The following SNX25 variants were observed in gnomAD, a reference collection of about 807,000 sequenced individuals.
SNX25 encodes the protein sorting nexin 25.
Under a neutral mutation model 113.7 loss-of-function variants are expected in SNX25, and 62 were observed. That is an observed-to-expected ratio of 0.55 (90% CI 0.44 to 0.67). The LOEUF is 0.67. Among genes scored for constraint, SNX25 ranks in the 30% least tolerant of loss-of-function variants. SNX25 has a pLI of 0.00. For missense variants in SNX25, 1,014 were observed against 1,161.0 expected (o/e 0.87, Z 1.84); for synonymous variants, 421 against 436.2 (o/e 0.97, Z 0.43).
chr4:185,271,223 C>T (rs1748879881), intron 5 of SNX25, among the ~76,000 whole-genome samples: 1 of 152,192 alleles, frequency 6.6e-6, no homozygotes, highest in African/African-American at 2.4e-5. Context: ...TTTGCAGAGT[C>T]AGTGGGAAGG....
downstream of SNX25, among the ~76,000 whole-genome samples, chr4:185,371,369 C>T (rs562030726): frequency 1.8e-4 from 28 of 151,832 alleles, no homozygotes; most frequent in African/African-American, 6.3e-4. Flanking sequence ...GAAACCCCGT[C>T]TCTACTAAAA....
intron 5 of SNX25, among the ~76,000 whole-genome samples, chr4:185,277,313 G>T (rs1410469565): frequency 6.6e-6 from 1 of 152,168 alleles, no homozygotes; most frequent in African/African-American, 2.4e-5. Context: ...ATGAACCACT[G>T]AACCTGGGCC....
At chr4:185,229,675 A>AC (rs1741537339) in intron 1 of SNX25, among the ~76,000 whole-genome samples, 1 of 152,022 alleles carries the variant, frequency 6.6e-6, no homozygotes, top group Non-Finnish European at 1.5e-5. Flanking sequence ...TGCTGACTAA[A>AC]CGCTACAGAA....
intron 5 of SNX25, among the ~76,000 whole-genome samples, chr4:185,287,257 G>A (rs960526452): frequency 3.9e-5 from 6 of 152,150 alleles, no homozygotes; most frequent in African/African-American, 1.4e-4. Context: ...GTCTTCTTAG[G>A]CACACATATA....
chr4:185,326,249 G>C (rs2095156473), intron 9 of SNX25, among the ~76,000 whole-genome samples: 1 of 152,146 alleles, frequency 6.6e-6, no homozygotes. Context: ...CCAGTCTCCT[G>C]TTAGTTCAGT....
At chr4:185,289,641 T>C (rs374883006) in intron 6 of SNX25, among the ~76,000 whole-genome samples, 2 of 152,188 alleles carry the variant, frequency 1.3e-5, no homozygotes, top group South Asian at 2.1e-4. Flanking sequence ...TAAGGAGACT[T>C]GATCTGATGA....
chr4:185,257,349 A>G (rs757899119), intron 2 of SNX25, among the ~76,000 whole-genome samples: 2 of 152,120 alleles, frequency 1.3e-5, no homozygotes, highest in African/African-American at 2.4e-5. Flanking sequence ...GCTTCTTGCA[A>G]ACATCACACT....
downstream of SNX25, chr4:185,365,491 G>A (rs1158295698): frequency 6.6e-6 from 1 of 151,978 alleles, no homozygotes; most frequent in African/African-American, 2.4e-5. Context: ...GAGTAGCTGG[G>A]ACTACAGGCG....
At chr4:185,321,060 T>C (rs997229563) in intron 8 of SNX25, among the ~76,000 whole-genome samples, 196 bp downstream of exon 8, 14 of 152,162 alleles carry the variant, frequency 9.2e-5, no homozygotes, top group African/African-American at 3.4e-4. Flanking sequence ...TTTGAATGTG[T>C]AGTCAAGGGA....
intron 1 of SNX25, among the ~76,000 whole-genome samples, chr4:185,216,402 G>T (rs1434689595): frequency 6.6e-6 from 1 of 151,434 alleles, no homozygotes; most frequent in Non-Finnish European, 1.5e-5. Flanking sequence ...AGATGAAGTT[G>T]TATATGAATA....
chr4:185,328,233 G>C (rs1165003034), intron 9 of SNX25, among the ~76,000 whole-genome samples: 1 of 152,082 alleles, frequency 6.6e-6, no homozygotes, highest in Non-Finnish European at 1.5e-5. Context: ...AACAGGGCTA[G>C]GAAAACAATT....
intron 1 of SNX25, among the ~76,000 whole-genome samples, chr4:185,233,609 T>G (rs2126418945): frequency 6.6e-6 from 1 of 152,346 alleles, no homozygotes; most frequent in Middle Eastern, 3.4e-3. Flanking sequence ...TCTTTTTTTC[T>G]AGCTTCTATT....
chr4:185,241,435 C>G (rs1336132050), intron 1 of SNX25, among the ~76,000 whole-genome samples: 2 of 137,596 alleles, frequency 1.5e-5, no homozygotes, highest in Admixed American at 7.6e-5. Flanking sequence ...GCAGTACAGT[C>G]CAGCTTTGGC....
intron 16 of SNX25, among the ~76,000 whole-genome samples, chr4:185,357,966 ACT>A (rs1427046103): frequency 6.6e-6 from 1 of 152,098 alleles, no homozygotes; most frequent in African/African-American, 2.4e-5. Flanking sequence ...CTACTTCCAC[ACT>A]CTGACTGGCG....
At chr4:185,326,173 A>G (rs1469866677) in intron 9 of SNX25, among the ~76,000 whole-genome samples, 1 of 152,222 alleles carries the variant, frequency 6.6e-6, no homozygotes, top group East Asian at 1.9e-4. Flanking sequence ...AAGAAAAGTT[A>G]CTTTGACTTT....
In SNX25 at chr4:185,351,171, C is replaced by G. The variant is rs551482084; in HGVS notation, c.2302-274C>G. Among the ~76,000 whole-genome samples the G allele has an allele frequency of 5.3e-4, 81 of 152,312 alleles. 1 individual carries two copies. The South Asian group carries it at 0.017, about 31-fold the overall frequency. On this transcript the variant is annotated intron_variant, in intron 13 of 18. Coordinates refer to ENST00000652585, the MANE Select transcript of SNX25 (RefSeq NM_001378034.2). ...GAATTTTCTGTTGCACCAAGCAGTG[C>G]AAAGCGGAGTGAGTTCTGCCTTTTG...
downstream of SNX25, among the ~76,000 whole-genome samples, chr4:185,367,866 C>T (rs887669574): frequency 2.6e-5 from 4 of 152,044 alleles, no homozygotes; most frequent in African/African-American, 9.7e-5. Context: ...TCTTTGTTTC[C>T]TGAACTGTTG....
intron 7 of SNX25, among the ~76,000 whole-genome samples, chr4:185,317,994 G>A (rs1579764921): frequency 1.3e-5 from 2 of 152,096 alleles, no homozygotes; most frequent in African/African-American, 2.4e-5. Context: ...TCTGCTGGAA[G>A]CATTATGAAA....
intron 10 of SNX25, among the ~76,000 whole-genome samples, chr4:185,333,598 C>A (rs2095210527): frequency 6.6e-6 from 1 of 152,124 alleles, no homozygotes; most frequent in African/African-American, 2.4e-5. Flanking sequence ...CATCTATAAT[C>A]CAGTTACTGT....
Sources: allele counts gnomAD v4.1 joint callset (sites outside exome capture counted in the v4.1 genomes callset), GRCh38; gene constraint gnomAD v4.1.1; transcripts MANE v1.5; gene names NCBI Gene and HGNC (gene_info 2026-07-23, HGNC 2026-07-21).